The following SPOCK1 variants were observed in gnomAD, a reference collection of about 807,000 sequenced individuals.
The protein encoded by SPOCK1 is testican-1.
A neutral mutation model predicts 55.3 loss-of-function variants in SPOCK1; 23 were observed. The ratio of observed to expected loss-of-function variants is 0.42; its 90% confidence interval spans 0.30 to 0.59. The LOEUF is 0.59. Ranked by LOEUF, SPOCK1 falls within the 20% of genes least tolerant of loss-of-function variation. The probability of loss-of-function intolerance (pLI) is 0.22; values close to 1 mark genes in which losing one functional copy is unlikely to be tolerated. For missense variants in SPOCK1, 499 were observed against 552.5 expected (o/e 0.90, Z 0.97); for synonymous variants, 226 against 221.0 (o/e 1.02, Z -0.20).
intron 4 of SPOCK1, among the ~76,000 whole-genome samples, chr5:137,129,215 T>C (rs1338814945): frequency 6.6e-6 from 1 of 152,118 alleles, no homozygotes; most frequent in African/African-American, 2.4e-5. Flanking sequence ...CCTTTCTCAT[T>C]TTCTTTTGGA....
At chr5:137,190,225 G>A (rs1755154370) in intron 3 of SPOCK1, among the ~76,000 whole-genome samples, 1 of 152,100 alleles carries the variant, frequency 6.6e-6, no homozygotes, top group African/African-American at 2.4e-5. Context: ...TTCTACTGTG[G>A]GTAAAACGCC....
intron 6 of SPOCK1, among the ~76,000 whole-genome samples, chr5:137,010,022 C>A (rs1450287708): frequency 6.6e-6 from 1 of 152,114 alleles, no homozygotes; most frequent in Non-Finnish European, 1.5e-5. Flanking sequence ...CCTGGGGAAT[C>A]TTCTCCCAAC....
intron 2 of SPOCK1, among the ~76,000 whole-genome samples, chr5:137,402,133 A>G (rs1471558864): frequency 6.6e-6 from 1 of 152,200 alleles, no homozygotes; most frequent in Non-Finnish European, 1.5e-5. Flanking sequence ...AAAGCCAGGG[A>G]AGACAGGTTA....
chr5:137,328,088 CTT>C (rs1368332087), intron 2 of SPOCK1, among the ~76,000 whole-genome samples: 4 of 152,224 alleles, frequency 2.6e-5, no homozygotes, highest in African/African-American at 4.8e-5. Flanking sequence ...GAGCTGAACT[CTT>C]TGCCAGTAAT....
chr5:137,300,479 TTATC>T (rs1359025294), intron 2 of SPOCK1, among the ~76,000 whole-genome samples: 1 of 152,208 alleles, frequency 6.6e-6, no homozygotes, highest in East Asian at 1.9e-4. Context: ...CTAGGTTCTT[TTATC>T]TTTCTTTTAA....
rs79221022 is a variant in SPOCK1, at chr5:137,188,167, T to G, written c.233-47473A>C. Among the ~76,000 whole-genome samples, 446 of 152,300 alleles carry G rather than the reference T, an allele frequency of 2.9e-3. 2 individuals carry two copies. Among genetic ancestry groups the G allele is most frequent in the South Asian group, 0.021 (103 of 4,830 alleles). On this transcript the variant is annotated intron_variant, in intron 3 of 10. Coordinates refer to ENST00000394945, the MANE Select transcript of SPOCK1 (RefSeq NM_004598.4). ...GGAGCTCTTACTATGCTATCCAAGA[T>G]CCCACGTATGTGGCCCCATTCTTCC...
chr5:137,351,609 A>G (rs1750679426), intron 2 of SPOCK1, among the ~76,000 whole-genome samples: 1 of 152,228 alleles, frequency 6.6e-6, no homozygotes, highest in Non-Finnish European at 1.5e-5. Flanking sequence ...CCCACCAGCC[A>G]TCTTGCAAAG....
intron 2 of SPOCK1, among the ~76,000 whole-genome samples, chr5:137,329,407 TATATCTCCTA>T (rs1758132237): frequency 6.6e-6 from 1 of 152,120 alleles, no homozygotes; most frequent in Non-Finnish European, 1.5e-5. Context: ...TCTATCTGTC[TATATCTCCTA>T]ATATCTCCTT....
At chr5:137,170,718 T>C (rs1345725296) in intron 3 of SPOCK1, among the ~76,000 whole-genome samples, 1 of 152,116 alleles carries the variant, frequency 6.6e-6, no homozygotes, top group Non-Finnish European at 1.5e-5. Flanking sequence ...TTATGCTGCC[T>C]CCCTGATCTC....
At chr5:137,327,808 T>A in intron 2 of SPOCK1, among the ~76,000 whole-genome samples, 1 of 152,296 alleles carries the variant, frequency 6.6e-6, no homozygotes. Context: ...CACACATGCA[T>A]GAGCTGCTGG....
chr5:137,481,655 G>T (rs753467171), intron 2 of SPOCK1, among the ~76,000 whole-genome samples: 2 of 152,212 alleles, frequency 1.3e-5, no homozygotes, highest in Non-Finnish European at 1.5e-5. Flanking sequence ...ATCTTAAAAG[G>T]TTACTCCAGA....
chr5:137,040,978 A>G (rs893720519), intron 6 of SPOCK1, among the ~76,000 whole-genome samples: 11 of 152,236 alleles, frequency 7.2e-5, no homozygotes, highest in African/African-American at 2.7e-4. Context: ...TGTATCAGGC[A>G]AAAAGGCTAG....
intron 2 of SPOCK1, among the ~76,000 whole-genome samples, chr5:137,417,332 CTTTTT>C (rs35711384): frequency 7.6e-5 from 9 of 117,898 alleles, no homozygotes; most frequent in African/African-American, 2.7e-4. Context: ...TAACCCATTT[CTTTTT>C]TTTTTTTTTT....
At chr5:137,033,231 C>T (rs1209461159) in intron 6 of SPOCK1, among the ~76,000 whole-genome samples, 1 of 152,218 alleles carries the variant, frequency 6.6e-6, no homozygotes, top group Non-Finnish European at 1.5e-5. Flanking sequence ...CGGTGTGCTG[C>T]AGCCTGCAGT....
intron 2 of SPOCK1, among the ~76,000 whole-genome samples, chr5:137,376,544 A>AG (rs886277397): frequency 3.0e-4 from 46 of 152,208 alleles, no homozygotes; most frequent in Admixed American, 2.7e-3. Context: ...ATGGGGGCAG[A>AG]GGGGGGCCTT....
chr5:137,159,534 T>C (rs1259931446), intron 3 of SPOCK1, among the ~76,000 whole-genome samples: 1 of 144,478 alleles, frequency 6.9e-6, no homozygotes, highest in Non-Finnish European at 1.5e-5. Context: ...CATATCACTC[T>C]TTATGCTTTT....
intron 2 of SPOCK1, among the ~76,000 whole-genome samples, chr5:137,478,887 T>C (rs1282194103): frequency 1.3e-5 from 2 of 152,046 alleles, no homozygotes; most frequent in Non-Finnish European, 2.9e-5. Context: ...AGCTTTCAGA[T>C]GTGAAACAAT....
At chr5:137,289,293 C>T (rs1006370344) in intron 2 of SPOCK1, among the ~76,000 whole-genome samples, 3 of 152,090 alleles carry the variant, frequency 2.0e-5, no homozygotes, top group African/African-American at 7.2e-5. Flanking sequence ...CCAAGGCCTG[C>T]TCATCATATA....
At chr5:137,304,053 A>T (rs1384108777) in intron 2 of SPOCK1, among the ~76,000 whole-genome samples, 1 of 120,848 alleles carries the variant, frequency 8.3e-6, no homozygotes, top group Non-Finnish European at 1.7e-5. Flanking sequence ...CTTTTTCCCC[A>T]AAATGCAATG....
Sources: gnomAD v4.1 joint callset for allele counts (sites outside exome capture counted in the v4.1 genomes callset) on GRCh38, gnomAD v4.1.1 for gene constraint, MANE v1.5 for transcripts, NCBI Gene and HGNC (gene_info 2026-07-23, HGNC 2026-07-21) for gene names.